The following CNTNAP5 variants were observed in gnomAD, a reference collection of about 807,000 sequenced individuals.
CNTNAP5 encodes contactin-associated protein-like 5.
In CNTNAP5, 72 loss-of-function variants were observed where a neutral mutation model predicts 150.2. That is an observed-to-expected ratio of 0.48 (90% CI 0.40 to 0.58). The LOEUF is 0.58. CNTNAP5 is among the 20% of genes least tolerant of loss of function. CNTNAP5 has a pLI of 0.00. For synonymous variants in CNTNAP5, 672 were observed against 619.8 expected (o/e 1.08, Z -1.25); for missense variants, 1,636 against 1,626.2 (o/e 1.01, Z -0.10).
chr2:124,900,027 A>G (rs890196218), intron 21 of CNTNAP5, among the ~76,000 whole-genome samples: 1 of 151,056 alleles, frequency 6.6e-6, no homozygotes, highest in African/African-American at 2.5e-5. Flanking sequence ...ACAGTTTGGC[A>G]TTTAAAATCA....
intron 3 of CNTNAP5, among the ~76,000 whole-genome samples, chr2:124,322,523 TA>T (rs1381074571): frequency 1.3e-5 from 2 of 152,000 alleles, no homozygotes; most frequent in African/African-American, 2.4e-5. Flanking sequence ...GATAAATGAG[TA>T]AAAGGGTAAA....
intron 3 of CNTNAP5, among the ~76,000 whole-genome samples, chr2:124,261,823 AG>A (rs1384637229): frequency 6.6e-6 from 1 of 152,220 alleles, no homozygotes. Flanking sequence ...TGTAGTGAAA[AG>A]GGTGCTGGTT....
At chr2:124,247,205 T>C (rs1687052717) in intron 3 of CNTNAP5, among the ~76,000 whole-genome samples, 1 of 152,168 alleles carries the variant, frequency 6.6e-6, no homozygotes, top group Non-Finnish European at 1.5e-5. Flanking sequence ...CACTGTTTGA[T>C]ATAGTATTTT....
chr2:124,293,692 G>GAA (rs1422659471), intron 3 of CNTNAP5, among the ~76,000 whole-genome samples: 3 of 152,084 alleles, frequency 2.0e-5, no homozygotes, highest in African/African-American at 7.2e-5. Context: ...GGAAAAGAAA[G>GAA]AAAAGATCTT....
chr2:124,625,537 A>G (rs1677703352), intron 12 of CNTNAP5, among the ~76,000 whole-genome samples: 1 of 152,218 alleles, frequency 6.6e-6, no homozygotes, highest in South Asian at 2.1e-4. Flanking sequence ...ATATATCTAT[A>G]TAAGGTGATT....
At position 124,772,884 on chromosome 2, in the gene CNTNAP5, C is replaced by G; in HGVS notation, c.2619C>G (p.Asn873Lys). 1.9e-6 allele frequency: 3 copies of G among 1,613,634 alleles called. No individual in the cohort carries two copies. Among genetic ancestry groups the G allele is most frequent in the Non-Finnish European group, 1.7e-6 (2 of 1,179,694 alleles). The change falls in exon 17 of 24, where the codon AAC (asparagine) becomes AAG (lysine). Residue 873 changes from asparagine to lysine, a missense_variant. By Grantham distance (94) the Asn-to-Lys change is moderately conservative. Transcript: ENST00000682447. ...VVQSPSLLNDNQWHYVRAERN... is the reference protein window; with the variant it reads ...VVQSPSLLNDKQWHYVRAERN... ...AGTCTCCTTCTCTTCTGAATGACAA[C>G]CAATGGCACTATGTCCGGGCTGAGA...
At chr2:124,367,093 A>G (rs1690390983) in intron 3 of CNTNAP5, among the ~76,000 whole-genome samples, 1 of 152,240 alleles carries the variant, frequency 6.6e-6, no homozygotes, top group African/African-American at 2.4e-5. Flanking sequence ...CTATAAGTTC[A>G]GAGTGACCCT....
chr2:124,312,873 T>A (rs1374421980), intron 3 of CNTNAP5, among the ~76,000 whole-genome samples: 1 of 152,058 alleles, frequency 6.6e-6, no homozygotes, highest in Non-Finnish European at 1.5e-5. Flanking sequence ...CTCGGCCAAT[T>A]TTTGTATTCT....
At chr2:124,603,923 T>A (rs1697040841) in intron 11 of CNTNAP5, among the ~76,000 whole-genome samples, 1 of 152,216 alleles carries the variant, frequency 6.6e-6, no homozygotes, top group East Asian at 1.9e-4. Flanking sequence ...AATTGTCCCA[T>A]CAAACTAACT....
chr2:124,722,888 A>G (rs1195306454), intron 13 of CNTNAP5, among the ~76,000 whole-genome samples: 1 of 152,152 alleles, frequency 6.6e-6, no homozygotes, highest in Non-Finnish European at 1.5e-5. Context: ...CAGAAGTCTG[A>G]CAGTCTTCCT....
At chr2:124,823,831 A>G (rs1258206563) in intron 19 of CNTNAP5, among the ~76,000 whole-genome samples, 1 of 152,122 alleles carries the variant, frequency 6.6e-6, no homozygotes, top group African/African-American at 2.4e-5. Context: ...TATCTGGTGC[A>G]TGGTGATGAG....
intron 21 of CNTNAP5, among the ~76,000 whole-genome samples, chr2:124,896,678 A>G (rs1279981320): frequency 6.6e-6 from 1 of 151,304 alleles, no homozygotes; most frequent in African/African-American, 2.5e-5. Flanking sequence ...AGCTGAGATT[A>G]CAGGTGTGCA....
intron 7 of CNTNAP5, among the ~76,000 whole-genome samples, chr2:124,485,643 TGCATTTACCGG>T (rs1693861345): frequency 8.8e-6 from 1 of 113,112 alleles, no homozygotes; most frequent in African/African-American, 3.7e-5. Flanking sequence ...AAGAAGAAGG[TGCATTTACCGG>T]GGAACACATA....
chr2:124,672,846 A>T lies in CNTNAP5; in HGVS notation c.2077+24888A>T, dbSNP rs1349478233. On this transcript the variant is annotated intron_variant, in intron 13 of 23. Transcript: ENST00000682447. Reference sequence around the variant, plus strand: ...TTTAAAGAAATATAAATAATTTCTCAAAATTAAAAATGTAATAATTAAAAC... The same window carrying T: ...TTTAAAGAAATATAAATAATTTCTCTAAATTAAAAATGTAATAATTAAAAC... Among the ~76,000 whole-genome samples, 5 of 152,330 alleles carry T rather than the reference A, an allele frequency of 3.3e-5. No individual in the cohort carries two copies. The South Asian group carries it at 8.3e-4, about 25-fold the overall frequency.
At chr2:124,478,850 T>G (rs1390434746) in intron 7 of CNTNAP5, among the ~76,000 whole-genome samples, 3 of 152,206 alleles carry the variant, frequency 2.0e-5, no homozygotes, top group Admixed American at 2.0e-4. Context: ...ACGGTACTAC[T>G]CATAAATTAT....
Position 124,355,674 on chromosome 2 carries a change from C to G in CNTNAP5, c.382-61769C>G, listed in dbSNP as rs144011091. 4.1e-3 allele frequency among the ~76,000 whole-genome samples: 619 copies of G among 152,232 alleles called. 3 individuals carry two copies. The highest frequency in any genetic ancestry group is 0.014 in the African/African-American group (590 of 41,522). On this transcript the variant is annotated intron_variant, in intron 3 of 23. Coordinates refer to ENST00000682447, the MANE Select transcript of CNTNAP5 (RefSeq NM_001367498.1). ...CTACTTCTACTTTCAGGAGTGAGCT[C>G]AAAGTCCCAGCAGGCAAAAAGCCTG...
chr2:124,256,094 T>C lies in CNTNAP5; in HGVS notation c.381+13701T>C, dbSNP rs150747476. On this transcript the variant is annotated intron_variant, in intron 3 of 23. Transcript: ENST00000682447. ...GGCTTGATAGATATATTGGCTGATG[T>C]ATCTTATGCGTTTGCTCAGGAAAAT... 6.5e-3 allele frequency among the ~76,000 whole-genome samples: 993 copies of C among 152,298 alleles called. 14 individuals are homozygous for C. The highest frequency in any genetic ancestry group is 0.023 in the African/African-American group (946 of 41,558).
At chr2:124,905,776 G>A (rs1039213312) in intron 22 of CNTNAP5, among the ~76,000 whole-genome samples, 3 of 152,154 alleles carry the variant, frequency 2.0e-5, no homozygotes, top group Non-Finnish European at 2.9e-5. Context: ...GAAGGAATGG[G>A]GTGAACCAGG....
intron 1 of CNTNAP5, among the ~76,000 whole-genome samples, chr2:124,206,331 G>A (rs1685861090): frequency 6.6e-6 from 1 of 152,168 alleles, no homozygotes; most frequent in Admixed American, 6.5e-5. Context: ...TCAATAATTG[G>A]TATATGGTAT....
Sources: gnomAD v4.1 joint callset for allele counts (sites outside exome capture counted in the v4.1 genomes callset) on GRCh38, gnomAD v4.1.1 for gene constraint, MANE v1.5 for transcripts, NCBI Gene and HGNC (gene_info 2026-07-23, HGNC 2026-07-21) for gene names.